FGF13: variants seen among roughly 807,000 people sequenced by gnomAD.
The protein encoded by FGF13 is fibroblast growth factor homologous factor 2.
A neutral mutation model predicts 19.5 loss-of-function variants in FGF13; 2 were observed. That is an observed-to-expected ratio of 0.10 (90% CI 0.04 to 0.32). The LOEUF (loss-of-function observed/expected upper bound fraction) is 0.32, where lower values mean the gene tolerates loss of function less well. Ranked by LOEUF, FGF13 falls within the 10% of genes least tolerant of loss-of-function variation. The pLI, the probability that FGF13 is intolerant of heterozygous loss-of-function variation, is 1.00. For missense variants in FGF13, 113 were observed against 192.7 expected (o/e 0.59, Z 2.45); for synonymous variants, 72 against 76.9 (o/e 0.94, Z 0.33).
chrX:138,719,978 TG>T (rs1356829539), intron 1 of FGF13, among the ~76,000 whole-genome samples: 2 of 112,885 alleles, frequency 1.8e-5, no homozygotes, highest in Non-Finnish European at 3.7e-5. Context: ...TTGGGCCATT[TG>T]TTCATTTGTT....
intron 1 of FGF13, among the ~76,000 whole-genome samples, chrX:138,903,871 C>A (rs1469262116): frequency 1.8e-5 from 2 of 111,762 alleles, no homozygotes; most frequent in Non-Finnish European, 3.8e-5. Context: ...CAATTCTGGG[C>A]ACCTCAAGTC....
chrX:138,907,764 C>CAT (rs1187824018), intron 1 of FGF13, among the ~76,000 whole-genome samples: 1 of 111,224 alleles, frequency 9.0e-6, no homozygotes, highest in African/African-American at 3.3e-5. Flanking sequence ...CTTAATGAGC[C>CAT]ATATACACAT....
intron 1 of FGF13, among the ~76,000 whole-genome samples, chrX:139,188,916 T>C (rs766893749): frequency 4.5e-5 from 5 of 111,825 alleles, no homozygotes; most frequent in Non-Finnish European, 9.4e-5. Flanking sequence ...TCCTAAGTAC[T>C]ATTCAGAAAT....
intron 3 of FGF13, among the ~76,000 whole-genome samples, chrX:138,668,298 G>A (rs951951384): frequency 1.8e-5 from 2 of 111,282 alleles, no homozygotes; most frequent in Non-Finnish European, 3.8e-5. Context: ...AACCTTATAA[G>A]CATTTGAATT....
chrX:138,769,287 G>A (rs774286787), intron 3 of FGF13, among the ~76,000 whole-genome samples: 1 of 111,335 alleles, frequency 9.0e-6, no homozygotes, highest in South Asian at 3.8e-4. Context: ...ACATGGCGGG[G>A]TGGTTAAACA....
intron 3 of FGF13, among the ~76,000 whole-genome samples, chrX:138,681,933 A>G (rs1335391887): frequency 8.9e-6 from 1 of 112,017 alleles, no homozygotes; most frequent in Non-Finnish European, 1.9e-5. Context: ...AACATCAAAG[A>G]TCACTGATTA....
intron 3 of FGF13, among the ~76,000 whole-genome samples, chrX:138,848,684 T>C (rs2091201200): frequency 9.0e-6 from 1 of 111,430 alleles, no homozygotes; most frequent in South Asian, 3.8e-4. Flanking sequence ...GTTTTCTTTG[T>C]TTGTTTGTTT....
intron 1 of FGF13, among the ~76,000 whole-genome samples, chrX:138,977,952 C>A (rs182529141): frequency 8.9e-6 from 1 of 111,796 alleles, no homozygotes; most frequent in Non-Finnish European, 1.9e-5. Context: ...ATATCAAATA[C>A]GATGAAAAAC....
chrX:138,889,822 A>G (rs2091467808), intron 1 of FGF13, among the ~76,000 whole-genome samples: 1 of 112,011 alleles, frequency 8.9e-6, no homozygotes, highest in Non-Finnish European at 1.9e-5. Flanking sequence ...TGAGCCAGAA[A>G]TCGGGCTTTC....
chrX:138,904,658 C>T (rs769731385), intron 1 of FGF13, among the ~76,000 whole-genome samples: 30 of 111,565 alleles, frequency 2.7e-4, no homozygotes, highest in Non-Finnish European at 4.7e-4. Flanking sequence ...CTGAGACATT[C>T]TAAGTTGCTT....
At chrX:138,743,090 G>A (rs1347500305), upstream of FGF13, among the ~76,000 whole-genome samples, 1 of 111,534 alleles carries the variant, frequency 9.0e-6, no homozygotes, top group Non-Finnish European at 1.9e-5. Context: ...AAACCTGCAC[G>A]CTAATGTTTA....
At chrX:138,883,766 A>G (rs2091439153) in intron 1 of FGF13, among the ~76,000 whole-genome samples, 1 of 112,009 alleles carries the variant, frequency 8.9e-6, no homozygotes, top group Non-Finnish European at 1.9e-5. Flanking sequence ...TGTGGGAATC[A>G]CAGCCAATCT....
At chrX:139,106,272 T>C (rs1036896748) in intron 1 of FGF13, among the ~76,000 whole-genome samples, 1 of 112,663 alleles carries the variant, frequency 8.9e-6, no homozygotes, top group Non-Finnish European at 1.9e-5. Context: ...TATGCTCATT[T>C]GTCAAATGAC....
chrX:139,003,980 C>A (rs75653460), intron 1 of FGF13, among the ~76,000 whole-genome samples: 1 of 112,518 alleles, frequency 8.9e-6, no homozygotes, highest in Non-Finnish European at 1.9e-5. Context: ...GATCCTGCAC[C>A]GGGGCTGCAG....
chrX:138,644,569 C>T (rs918668378), intron 3 of FGF13, among the ~76,000 whole-genome samples: 2 of 111,468 alleles, frequency 1.8e-5, no homozygotes, highest in African/African-American at 6.5e-5. Context: ...TGTGAGCCAC[C>T]GCACCTGGCC....
At chrX:139,171,514 C>T (rs2084132742) in intron 1 of FGF13, among the ~76,000 whole-genome samples, 1 of 111,786 alleles carries the variant, frequency 8.9e-6, no homozygotes, top group African/African-American at 3.2e-5. Context: ...CTTCCTTCAA[C>T]AGAAATGGGA....
rs1031063565 is a variant in FGF13, at chrX:138,711,523, C to T, written c.-520G>A. On this transcript the variant is annotated 5_prime_UTR_variant, in exon 1 of 5. Coordinates refer to ENST00000315930, the MANE Select transcript of FGF13 (RefSeq NM_004114.5). ...GCGCGCGGGGGAGCGCGCCCTCGCCCTGGCCCCTCCGAGTCTTCGACTAGT... is the reference window on the plus strand; with the variant it reads ...GCGCGCGGGGGAGCGCGCCCTCGCCTTGGCCCCTCCGAGTCTTCGACTAGT... 1 of 756,593 alleles carries T rather than the reference C, an allele frequency of 1.3e-6. No homozygotes were observed. The highest frequency in any genetic ancestry group is 6.7e-5 in the South Asian group (1 of 14,910). 62.4% of individuals were successfully genotyped at this position (756,593 alleles called of 1,213,427 possible).
Position 138,902,028 on chromosome X carries a change from C to T in FGF13, c.-112-37378G>A, listed in dbSNP as rs987903277. On this transcript the variant is annotated intron_variant, in intron 1 of 2. Transcript: ENST00000421460. ...ATCAAAGTTAAAACACTCTAAGTTCCTTACAAGTATTGGGAGGAGAGTAGA... is the reference window on the plus strand; with the variant it reads ...ATCAAAGTTAAAACACTCTAAGTTCTTTACAAGTATTGGGAGGAGAGTAGA... Among the ~76,000 whole-genome samples, 6 of 112,268 alleles carry T rather than the reference C, an allele frequency of 5.3e-5. No homozygotes were observed. The Admixed American group carries it at 5.6e-4, about 11-fold the overall frequency.
chrX:139,159,765 G>A (rs1400751369), intron 1 of FGF13, among the ~76,000 whole-genome samples: 3 of 110,187 alleles, frequency 2.7e-5, no homozygotes, highest in Non-Finnish European at 3.8e-5. Context: ...AATCGTAAAG[G>A]GATCAACACA....
Sources: allele counts gnomAD v4.1 joint callset (sites outside exome capture counted in the v4.1 genomes callset), GRCh38; gene constraint gnomAD v4.1.1; transcripts MANE v1.5; gene names NCBI Gene and HGNC (gene_info 2026-07-23, HGNC 2026-07-21).